DMGDH: variants seen among roughly 807,000 people sequenced by gnomAD.
The protein encoded by DMGDH is dimethylglycine dehydrogenase.
A neutral mutation model predicts 95.2 loss-of-function variants in DMGDH; 76 were observed. The observed-to-expected ratio is 0.80, with a 90% CI of 0.66 to 0.97. The LOEUF (loss-of-function observed/expected upper bound fraction) is 0.97. Among genes scored for constraint, DMGDH ranks in the 50% least tolerant of loss-of-function variants. The pLI is 0.00. For synonymous variants in DMGDH, 345 were observed against 377.6 expected, an observed-to-expected ratio of 0.91 and a Z score of 1.00; for missense variants, 987 against 1,055.0, an observed-to-expected ratio of 0.94 and a Z score of 0.89.
At chr5:79,016,354 A>T (rs1186972748) in intron 14 of DMGDH, among the ~76,000 whole-genome samples, 1 of 152,244 alleles carries the variant, frequency 6.6e-6, no homozygotes, top group Non-Finnish European at 1.5e-5. Context: ...GATGGAATCT[A>T]CAAAAATGCT....
At position 79,042,498 on chromosome 5, in the gene DMGDH, T is replaced by C. The variant is rs1340843249; in HGVS notation, c.995-17A>G. 2 of 1,613,866 alleles carry C rather than the reference T, an allele frequency of 1.2e-6. No homozygotes were observed. The highest frequency in any genetic ancestry group is 1.7e-5 in the Admixed American group (1 of 60,024). ...TTCCAAAACCTAAAAAGATTTGCCC[T>C]TGTGGTCAGGATGCCGTAGCTGAGC... On this transcript the variant is annotated splice_polypyrimidine_tract_variant and intron_variant, in intron 6 of 15. Transcript: ENST00000255189.
chr5:79,034,115 C>A (rs777103008), intron 7 of DMGDH, among the ~76,000 whole-genome samples: 17 of 152,130 alleles, frequency 1.1e-4, no homozygotes, highest in Non-Finnish European at 7.4e-5. Flanking sequence ...CTATGATTAT[C>A]CTGACTGGTA....
At chr5:79,043,855 AC>A (rs1754590878) in intron 6 of DMGDH, among the ~76,000 whole-genome samples, 1 of 152,002 alleles carries the variant, frequency 6.6e-6, no homozygotes, top group East Asian at 1.9e-4. Context: ...AGTACCAAAA[AC>A]CCTGCTCTGT....
chr5:79,063,597 G>A lies in DMGDH; in HGVS notation c.276+16C>T, dbSNP rs201538877. 6.2e-7 allele frequency: 1 copy of A among 1,614,134 alleles called. No individual in the cohort carries two copies. The highest frequency in any genetic ancestry group is 8.5e-7 in the Non-Finnish European group (1 of 1,180,010). ...CACAATTCCACGCTTATGACAGTTT[G>A]GGGTGCTTTTCTTACTGCGTGCCAG... On this transcript the variant is annotated intron_variant, in intron 2 of 15. Transcript: ENST00000255189.
intron 6 of DMGDH, among the ~76,000 whole-genome samples, chr5:79,043,181 G>A (rs1754563203): frequency 6.6e-6 from 1 of 152,172 alleles, no homozygotes; most frequent in South Asian, 2.1e-4. Flanking sequence ...CTACAGGTAG[G>A]GTCAGTCTCA....
chr5:79,053,297 C>T (rs200976390), intron 4 of DMGDH, among the ~76,000 whole-genome samples: 10 of 152,004 alleles, frequency 6.6e-5, no homozygotes, highest in East Asian at 1.9e-4. Flanking sequence ...GGACTACAGA[C>T]GGAATCCTAC....
At chr5:79,053,534 C>T (rs1014804835) in intron 4 of DMGDH, among the ~76,000 whole-genome samples, 2 of 149,754 alleles carry the variant, frequency 1.3e-5, no homozygotes, top group African/African-American at 5.1e-5. Context: ...CTAACTGGTA[C>T]ATAAATACGT....
chr5:79,034,138 G>T (rs1368994560), intron 7 of DMGDH, among the ~76,000 whole-genome samples: 2 of 152,116 alleles, frequency 1.3e-5, no homozygotes, highest in African/African-American at 4.8e-5. Flanking sequence ...AAACACGGTG[G>T]GAGAAACATA....
intron 14 of DMGDH, among the ~76,000 whole-genome samples, chr5:79,018,371 C>A (rs1753782355): frequency 6.6e-6 from 1 of 152,128 alleles, no homozygotes; most frequent in South Asian, 2.1e-4. Context: ...ACAAATGACT[C>A]TCAAGTTATG....
chr5:79,002,724 G>A (rs1753473946), intron 15 of DMGDH, among the ~76,000 whole-genome samples: 1 of 152,126 alleles, frequency 6.6e-6, no homozygotes, highest in Admixed American at 6.5e-5. Flanking sequence ...AGCAACACAA[G>A]TCAAGACAAA....
intron 5 of DMGDH, among the ~76,000 whole-genome samples, chr5:79,045,419 C>A (rs949025650): frequency 1.3e-5 from 2 of 152,206 alleles, no homozygotes; most frequent in Non-Finnish European, 1.5e-5. Flanking sequence ...TTGATTCTTT[C>A]CCAGGCTGAC....
chr5:79,031,129 G>A (rs1221470114), intron 9 of DMGDH, 131 bp from the exon 10 acceptor site: 5 of 881,940 alleles, frequency 5.7e-6, no homozygotes, highest in Admixed American at 2.2e-5. Context: ...TATGGGAGGC[G>A]AGACCATGCA....
In DMGDH at chr5:79,055,827, C is replaced by T. The variant is rs778901952; in HGVS notation, c.358G>A (p.Glu120Lys). 2.5e-6 allele frequency: 4 copies of T among 1,607,284 alleles called. No homozygotes were observed. The African/African-American group carries it at 5.4e-5, about 22-fold the overall frequency. The change falls in exon 3 of 16, where the codon GAA (glutamate) becomes AAA (lysine). Residue 120 changes from glutamate to lysine, a missense_variant. Glu to Lys is a moderately conservative substitution (Grantham distance 56). Coordinates refer to ENST00000255189, the MANE Select transcript of DMGDH (RefSeq NM_013391.3). ...YDSIKLYEKL[E>K]EETGQVVGFH... is the part of the protein sequence containing the mutation. ...GCCTTTACCTGACCAGTTTCTTCTTCCAGTTTCTCATAAAGTTTGATGCTA... is the reference window on the plus strand; with the variant it reads ...GCCTTTACCTGACCAGTTTCTTCTTTCAGTTTCTCATAAAGTTTGATGCTA...
chr5:79,039,521 C>T (rs1734517751), intron 7 of DMGDH, among the ~76,000 whole-genome samples: 1 of 151,930 alleles, frequency 6.6e-6, no homozygotes, highest in African/African-American at 2.4e-5. Context: ...AACACATGGA[C>T]ACAGGAAGGG....
intron 15 of DMGDH, chr5:79,000,118 G>GTT: frequency 2.2e-6 from 1 of 456,214 alleles, no homozygotes; most frequent in Non-Finnish European, 4.3e-6. Flanking sequence ...AACATTTTTT[G>GTT]TTTTTTTTCC....
At chr5:79,038,409 G>C (rs1370089735) in intron 7 of DMGDH, among the ~76,000 whole-genome samples, 1 of 152,124 alleles carries the variant, frequency 6.6e-6, no homozygotes. Flanking sequence ...GCTTGAACCC[G>C]GGAGGTGGAG....
Position 79,069,637 on chromosome 5 carries a change from A to C in DMGDH, c.-17T>G, listed in dbSNP as rs1234444103. On this transcript the variant is annotated 5_prime_UTR_variant, in exon 1 of 16. Transcript: ENST00000255189. ...ACGGAGCATGACTAGGCCGAGGCCG[A>C]GGGCGCAGGCGCCTGCTCCGAGGCC... 23 of 1,352,092 alleles carry C rather than the reference A, an allele frequency of 1.7e-5. No homozygotes were observed. Among genetic ancestry groups the C allele is most frequent in the Non-Finnish European group, 2.2e-5 (23 of 1,052,480 alleles). The allele number at this position is 1,352,092 out of a possible 1,614,324, so 83.8% of individuals were successfully genotyped here. A position where few individuals can be genotyped will look rare whatever the true frequency, so the allele number is the denominator to read the frequency against.
chr5:79,056,335 AC>A (rs1391946280), intron 2 of DMGDH, among the ~76,000 whole-genome samples: 1 of 151,818 alleles, frequency 6.6e-6, no homozygotes. Flanking sequence ...ACATGGTGAA[AC>A]CCCGTCTCTA....
intron 2 of DMGDH, among the ~76,000 whole-genome samples, chr5:79,060,578 CAA>C (rs1755171512): frequency 6.6e-6 from 1 of 151,996 alleles, no homozygotes; most frequent in African/African-American, 2.4e-5. Flanking sequence ...GCTGGCTCTG[CAA>C]CCTTCCTTAT....
Sources: allele counts gnomAD v4.1 joint callset (sites outside exome capture counted in the v4.1 genomes callset), GRCh38; gene constraint gnomAD v4.1.1; transcripts MANE v1.5; gene names NCBI Gene and HGNC (gene_info 2026-07-23, HGNC 2026-07-21).